The following CPSF4 variants were observed in gnomAD, a reference collection of about 807,000 sequenced individuals.
CPSF4 encodes cleavage and polyadenylation specific factor 4.
CPSF4 carries 11 observed loss-of-function variants against 37.7 expected under a neutral mutation model. The ratio of observed to expected loss-of-function variants is 0.29; its 90% CI spans 0.18 to 0.48. CPSF4 has a LOEUF of 0.48. Ranked by LOEUF, CPSF4 falls within the 20% of genes least tolerant of loss-of-function variation. The pLI is 0.99. For missense variants in CPSF4, 144 were observed against 359.5 expected (o/e 0.40, Z 4.85); for synonymous variants, 132 against 135.9 (o/e 0.97, Z 0.20).
At position 99,454,069 on chromosome 7, in the gene CPSF4, T is replaced by C; in HGVS notation, c.674T>C (p.Met225Thr). ...AGAACCCCGCAGGTCATCGGGGTCA[T>C]GCAGAGTCAAAACAGCAGCGCGGGC... Reference protein sequence around the residue: ...QQRTPQVIGVMQSQNSSAGNR... With the variant: ...QQRTPQVIGVTQSQNSSAGNR... Residue 225 changes from methionine (M) to threonine (T), a missense_variant, in exon 7 of 8, where the codon ATG becomes ACG. Met to Thr is a moderately conservative substitution (Grantham distance 81). Around this residue, in one of 4 missense-constraint regions of CPSF4, gnomAD observed 86 missense variants for 141.5 expected, o/e 0.61. Coordinates refer to ENST00000292476, the MANE Select transcript of CPSF4 (RefSeq NM_006693.4). 1 of 1,614,208 alleles carries C rather than the reference T, an allele frequency of 6.2e-7. No individual in the cohort carries two copies. Among genetic ancestry groups the C allele is most frequent in the Non-Finnish European group, 8.5e-7 (1 of 1,180,032 alleles).
At chr7:99,439,232 G>C (rs767195236) in intron 1 of CPSF4, 47 bp downstream of exon 1, 1 of 1,409,232 alleles carries the variant, frequency 7.1e-7, no homozygotes, top group East Asian at 2.4e-5. Flanking sequence ...TCGAACCCGG[G>C]ACCCGCTCCT....
At chr7:99,447,755 A>G in intron 2 of CPSF4, 1 of 432,960 alleles carries the variant, frequency 2.3e-6, no homozygotes, top group South Asian at 1.6e-5. Flanking sequence ...ATGCGCGGCT[A>G]ATTTTTTGTA....
At chr7:99,444,358 G>A (rs561257512) in intron 1 of CPSF4, among the ~76,000 whole-genome samples, 127 of 152,196 alleles carry the variant, frequency 8.3e-4, no homozygotes, top group Middle Eastern at 6.8e-3. Context: ...TTGGGAGGCT[G>A]AGGCAAGAGA....
chr7:99,450,260 C>CT lies in CPSF4; in HGVS notation c.308-15dup. On this transcript the variant is annotated splice_polypyrimidine_tract_variant and intron_variant, in intron 3 of 7. Coordinates refer to ENST00000292476, the MANE Select transcript of CPSF4 (RefSeq NM_006693.4). ...CCCGGCCTTCCCAGTGGTCTCACGTCTGAGTTTCCCTGCAGGGGAGTGCAG... is the reference window on the plus strand; with the variant it reads ...CCCGGCCTTCCCAGTGGTCTCACGTCTTGAGTTTCCCTGCAGGGGAGTGCAG... 6.2e-7 allele frequency: 1 copy of CT among 1,606,056 alleles called. No individual in the cohort carries two copies. The highest frequency in any genetic ancestry group is 8.5e-7 in the Non-Finnish European group (1 of 1,173,008).
chr7:99,450,218 G>C, intron 3 of CPSF4, 58 bp from the exon 4 acceptor site: 2 of 1,366,968 alleles, frequency 1.5e-6, no homozygotes, highest in Non-Finnish European at 2.1e-6. Flanking sequence ...CTTGGATGAA[G>C]CCAAGGTGGG....
Position 99,453,682 on chromosome 7 carries a change from A to G in CPSF4, c.571-284A>G. 2 of 359,942 alleles carry G rather than the reference A, an allele frequency of 5.6e-6. No individual in the cohort carries two copies. The highest frequency in any genetic ancestry group is 8.3e-5 in the South Asian group (2 of 24,156). The allele number at this position is 359,942 out of a possible 1,614,324, so 22.3% of individuals were successfully genotyped here. On this transcript the variant is annotated intron_variant, in intron 6 of 7. Transcript: ENST00000292476. This position sits in a 1 kb window ranked among gnomAD's most constrained non-coding sequence, Gnocchi z 4.7. Reference sequence around the variant, plus strand: ...TCAGAAACCAAAGTAAGGCCTGATCATGCCCTCGCCCCACTGCCCCAGAGA... The same window carrying G: ...TCAGAAACCAAAGTAAGGCCTGATCGTGCCCTCGCCCCACTGCCCCAGAGA...
chr7:99,454,336 C>T (rs1279521415), intron 7 of CPSF4, among the ~76,000 whole-genome samples, 200 bp downstream of exon 7: 2 of 152,306 alleles, frequency 1.3e-5, no homozygotes, highest in Non-Finnish European at 2.9e-5. Flanking sequence ...CACTGAGGCA[C>T]GGTAAAGGAT....
intron 6 of CPSF4, chr7:99,452,992 GC>G: frequency 6.5e-6 from 1 of 153,144 alleles, no homozygotes; most frequent in Non-Finnish European, 1.5e-5. Context: ...TAGATGAGGG[GC>G]CCCACAGCCA....
chr7:99,443,008 C>T (rs959744201), intron 1 of CPSF4: 2 of 1,505,676 alleles, frequency 1.3e-6, no homozygotes, highest in Admixed American at 1.7e-5. Flanking sequence ...TTCTTATCAT[C>T]TTCAGACTTT....
rs763164288 is a variant in CPSF4, at chr7:99,448,212, T to A, written c.246T>A (p.Cys82Ter). Residue 82 changes from cysteine (C) to a stop codon, truncating the protein, a stop_gained, in exon 3 of 8, where the codon TGT (cysteine) becomes TGA (stop). Transcript: ENST00000292476. LOFTEE classifies it high-confidence loss of function. This position sits in a 1 kb window ranked among gnomAD's most constrained non-coding sequence, Gnocchi z 4.4. ...LRGLCKKGDQ[C>*]EFLHEYDMTK... ...GCCTATGCAAGAAAGGGGACCAGTG[T>A]GAGTTCCTGCATGAGTATGACATGA... is the stretch of plus-strand genomic sequence containing the variant. 1.9e-6 allele frequency: 3 copies of A among 1,613,974 alleles called. No homozygotes were observed. The highest frequency in any genetic ancestry group is 1.7e-6 in the Non-Finnish European group (2 of 1,179,798).
At chr7:99,447,253 TC>T (rs1418293727) in intron 2 of CPSF4, among the ~76,000 whole-genome samples, 1 of 147,120 alleles carries the variant, frequency 6.8e-6, no homozygotes, top group Non-Finnish European at 1.5e-5. Flanking sequence ...CCGGCCAAGT[TC>T]CTTTCTTTTT....
chr7:99,456,346 TTGG>T (rs1311241183), intron 7 of CPSF4, 83 bp from the exon 8 acceptor site: 1 of 1,175,834 alleles, frequency 8.5e-7, no homozygotes, highest in Non-Finnish European at 1.3e-6. Context: ...GATTTGGGAT[TTGG>T]TGGGCACTCC....
At position 99,450,731 on chromosome 7, in the gene CPSF4, A is replaced by G; in HGVS notation, c.433A>G (p.Arg145Gly). 1 of 1,614,160 alleles carries G rather than the reference A, an allele frequency of 6.2e-7. No individual in the cohort carries two copies. The highest frequency in any genetic ancestry group is 8.5e-7 in the Non-Finnish European group (1 of 1,180,004). Reference protein sequence around the residue: ...GPLCRHRHTRRVICVNYLVGF... With the variant: ...GPLCRHRHTRGVICVNYLVGF... ...CCTCTGCAGGCACCGGCACACACGG[A>G]GAGTCATCTGTGTGAATTACCTCGT... The change falls in exon 5 of 8, where the codon AGA becomes GGA. Residue 145 changes from arginine to glycine, a missense_variant. Physicochemically the swap from Arg to Gly is moderately radical, Grantham distance 125. Around this residue, in one of 4 missense-constraint regions of CPSF4, gnomAD observed 86 missense variants for 141.5 expected, o/e 0.61. Coordinates refer to ENST00000292476, the MANE Select transcript of CPSF4 (RefSeq NM_006693.4).
In CPSF4 at chr7:99,456,734, A is replaced by G. The variant is rs1446276712; in HGVS notation, c.*234A>G. The G allele has an allele frequency of 2.3e-5, 14 of 596,064 alleles. No homozygotes were observed. 36.9% of individuals were successfully genotyped at this position (596,064 alleles called of 1,614,324 possible). ...CAGTCGACATCATGTTTGGCTGGGC[A>G]TCGATGCCTCCTTTCTGGGACTCCC... On this transcript the variant is annotated 3_prime_UTR_variant, in exon 8 of 8. Transcript: ENST00000292476.
At chr7:99,443,139 G>C (rs1478633728) in intron 1 of CPSF4, 2 of 800,128 alleles carry the variant, frequency 2.5e-6, no homozygotes, top group Non-Finnish European at 2.3e-6. Flanking sequence ...CCCAAACCTA[G>C]CTGCCTGAGC....
intron 1 of CPSF4, among the ~76,000 whole-genome samples, chr7:99,440,665 T>C (rs1360539845): frequency 9.5e-6 from 1 of 105,626 alleles, no homozygotes; most frequent in Non-Finnish European, 1.7e-5. Flanking sequence ...CATATATATA[T>C]ATATATATAT....
intron 6 of CPSF4, chr7:99,452,719 C>T (rs1798023836): frequency 5.0e-6 from 2 of 400,510 alleles, no homozygotes; most frequent in Non-Finnish European, 9.2e-6. Context: ...TGGGGCTAAC[C>T]TGGTTCAGCA....
chr7:99,451,063 CAT>C, intron 5 of CPSF4: 1 of 391,830 alleles, frequency 2.6e-6, no homozygotes, highest in Non-Finnish European at 4.6e-6. Flanking sequence ...TACAGACAAA[CAT>C]GTAGCCTTGC....
At chr7:99,454,268 C>G (rs1798143740) in intron 7 of CPSF4, 132 bp downstream of exon 7, 1 of 861,280 alleles carries the variant, frequency 1.2e-6, no homozygotes, top group Non-Finnish European at 1.7e-6. Flanking sequence ...CATAAAGTTA[C>G]AGTCTAGTTA....
Sources: gnomAD v4.1 joint callset for allele counts (sites outside exome capture counted in the v4.1 genomes callset) on GRCh38, gnomAD v4.1.1 for gene constraint, gnomAD v4.1.1 regional missense constraint, Gnocchi (gnomAD v3.1) non-coding constraint, MANE v1.5 for transcripts, NCBI Gene and HGNC (gene_info 2026-07-23, HGNC 2026-07-21) for gene names.